MAGI1: variants seen among roughly 807,000 people sequenced by gnomAD.
MAGI1 encodes membrane associated guanylate kinase, WW and PDZ domain containing 1, also known as membrane-associated guanylate kinase, WW and PDZ domain-containing protein 1.
A neutral mutation model predicts 139.9 loss-of-function variants in MAGI1; 58 were observed. The observed-to-expected ratio is 0.41, with a 90% CI of 0.34 to 0.52. The LOEUF is 0.52. Among genes scored for constraint, MAGI1 ranks in the 20% least tolerant of loss-of-function variants. The pLI is 0.12. For missense variants in MAGI1, 1,874 were observed against 1,901.6 expected (o/e 0.99, Z 0.27); for synonymous variants, 812 against 737.9 (o/e 1.10, Z -1.63).
chr3:65,676,715 C>T (rs1471831474), intron 1 of MAGI1, among the ~76,000 whole-genome samples: 2 of 152,164 alleles, frequency 1.3e-5, no homozygotes, highest in Non-Finnish European at 2.9e-5. Flanking sequence ...TATCTACCCC[C>T]TTCTTCTCAT....
At chr3:65,413,227 G>T (rs1461998341) in intron 12 of MAGI1, among the ~76,000 whole-genome samples, 1 of 152,132 alleles carries the variant, frequency 6.6e-6, no homozygotes, top group East Asian at 1.9e-4. Context: ...CTGGAGGGGG[G>T]TACATTGTTT....
rs530317576 is a variant in MAGI1, at chr3:65,439,271, C to T, written c.1270+608G>A. ...ACAGGTCTCACATACATACTATATA[C>T]GTATAAATTATTATCAGATTTTTGT... On this transcript the variant is annotated intron_variant, in intron 9 of 22. Transcript: ENST00000402939. 6.6e-5 allele frequency among the ~76,000 whole-genome samples: 10 copies of T among 152,138 alleles called. No individual in the cohort carries two copies. In the South Asian group the frequency reaches 1.7e-3, roughly 25 times the overall value.
chr3:65,377,056 C>T (rs566722329), intron 17 of MAGI1, among the ~76,000 whole-genome samples: 2 of 152,218 alleles, frequency 1.3e-5, no homozygotes, highest in African/African-American at 4.8e-5. Context: ...AGTTGAGTTA[C>T]CTTTTGGAAA....
chr3:65,997,408 G>A (rs1228971258), intron 1 of MAGI1, among the ~76,000 whole-genome samples: 1 of 152,146 alleles, frequency 6.6e-6, no homozygotes, highest in Non-Finnish European at 1.5e-5. Flanking sequence ...TGTAATCCCA[G>A]CACTTTGGGA....
At chr3:65,779,584 C>T (rs564215612) in intron 1 of MAGI1, among the ~76,000 whole-genome samples, 1 of 152,234 alleles carries the variant, frequency 6.6e-6, no homozygotes, top group African/African-American at 2.4e-5. Flanking sequence ...AATCGCTTGA[C>T]AGATTTATCC....
intron 1 of MAGI1, among the ~76,000 whole-genome samples, chr3:65,991,601 A>C (rs1348812398): frequency 5.3e-5 from 8 of 152,206 alleles, no homozygotes; most frequent in Non-Finnish European, 1.2e-4. Context: ...ATGAAATTCT[A>C]ATACTTAACA....
rs1291850510 is a variant in MAGI1, at chr3:65,672,347, G to T, written c.314-50259C>A. ...AAAGTACTTTAGAGAATTAGTCTTTGCTGTATTTGTATATGCTAATTAAGC... is the reference window on the plus strand; with the variant it reads ...AAAGTACTTTAGAGAATTAGTCTTTTCTGTATTTGTATATGCTAATTAAGC... On this transcript the variant is annotated intron_variant, in intron 1 of 22. Coordinates refer to ENST00000402939, the MANE Select transcript of MAGI1 (RefSeq NM_001033057.2). 2.0e-5 allele frequency among the ~76,000 whole-genome samples: 3 copies of T among 152,204 alleles called. No individual in the cohort carries two copies. In the East Asian group the frequency reaches 5.8e-4, roughly 29 times the overall value.
At chr3:65,919,150 C>A (rs2062047689) in intron 1 of MAGI1, among the ~76,000 whole-genome samples, 1 of 152,206 alleles carries the variant, frequency 6.6e-6, no homozygotes. Flanking sequence ...TTGGAGAACA[C>A]TAAACTAATT....
At chr3:65,543,382 C>T (rs2079339056) in intron 2 of MAGI1, among the ~76,000 whole-genome samples, 1 of 152,034 alleles carries the variant, frequency 6.6e-6, no homozygotes, top group African/African-American at 2.4e-5. Flanking sequence ...ACCACTTGAC[C>T]CAGCAATGTT....
intron 2 of MAGI1, among the ~76,000 whole-genome samples, chr3:65,597,048 GC>G (rs950224683): frequency 2.6e-5 from 4 of 151,866 alleles, no homozygotes; most frequent in African/African-American, 9.7e-5. Context: ...CCACCGCGCT[GC>G]CCGGGGAAGC....
chr3:65,840,383 G>C (rs1199504468), intron 1 of MAGI1, among the ~76,000 whole-genome samples: 2 of 152,138 alleles, frequency 1.3e-5, no homozygotes, highest in Non-Finnish European at 2.9e-5. Context: ...TAAGTACAAT[G>C]ATAGCTCCAG....
chr3:65,364,200 GTTTAA>G (rs913779126), intron 20 of MAGI1, among the ~76,000 whole-genome samples: 28 of 131,432 alleles, frequency 2.1e-4, no homozygotes, highest in Non-Finnish European at 3.9e-4. Context: ...AAAGGAATCT[GTTTAA>G]TTTTGCATCA....
intron 10 of MAGI1, among the ~76,000 whole-genome samples, chr3:65,434,278 G>A (rs1436223690): frequency 6.6e-6 from 1 of 152,108 alleles, no homozygotes; most frequent in Non-Finnish European, 1.5e-5. Context: ...AAACAACCAT[G>A]GCAGATAATG....
At chr3:65,679,683 G>A (rs1052625652) in intron 1 of MAGI1, among the ~76,000 whole-genome samples, 3 of 152,326 alleles carry the variant, frequency 2.0e-5, no homozygotes, top group South Asian at 4.1e-4. Flanking sequence ...GGTTCTGCAC[G>A]CTGCCTGTGA....
intron 1 of MAGI1, among the ~76,000 whole-genome samples, chr3:65,832,895 T>G (rs1317899927): frequency 6.6e-6 from 1 of 152,198 alleles, no homozygotes; most frequent in South Asian, 2.1e-4. Context: ...TCCTACTCAC[T>G]GCTTTCACCC....
At chr3:65,620,877 G>A (rs1187765142) in intron 2 of MAGI1, among the ~76,000 whole-genome samples, 2 of 152,134 alleles carry the variant, frequency 1.3e-5, no homozygotes, top group African/African-American at 4.8e-5. Flanking sequence ...TCTGATCTGT[G>A]GAGGTTATCA....
At chr3:65,533,935 A>C (rs1208223587) in intron 2 of MAGI1, among the ~76,000 whole-genome samples, 1 of 152,204 alleles carries the variant, frequency 6.6e-6, no homozygotes, top group East Asian at 1.9e-4. Flanking sequence ...CTAGACTCAG[A>C]ATGTTTTATA....
chr3:65,516,745 T>TTTTTTTTTTGG (rs2077905907), intron 2 of MAGI1, among the ~76,000 whole-genome samples: 1 of 96,164 alleles, frequency 1.0e-5, no homozygotes. Flanking sequence ...TTTTTTTTTT[T>TTTTTTTTTTGG]GAGACGGAGT....
At chr3:65,904,269 A>G (rs565420538) in intron 1 of MAGI1, among the ~76,000 whole-genome samples, 1 of 152,326 alleles carries the variant, frequency 6.6e-6, no homozygotes, top group Admixed American at 6.5e-5. Flanking sequence ...ACCCTATGTC[A>G]GTTTCTGTTT....
Sources: allele counts gnomAD v4.1 joint callset (sites outside exome capture counted in the v4.1 genomes callset), GRCh38; gene constraint gnomAD v4.1.1; transcripts MANE v1.5; gene names NCBI Gene and HGNC (gene_info 2026-07-23, HGNC 2026-07-21).